Variants in GBE1 observed in about 807,000 individuals in gnomAD.
GBE1 encodes the protein 1,4-alpha-glucan branching enzyme 1.
A neutral mutation model predicts 88.8 loss-of-function variants in GBE1; 70 were observed. The ratio of observed to expected loss-of-function variants is 0.79; its 90% CI spans 0.65 to 0.96. The LOEUF is 0.96. Ranked by LOEUF, GBE1 falls within the 40% of genes least tolerant of loss-of-function variation. GBE1 has a pLI of 0.00. For missense variants in GBE1, 872 were observed against 871.0 expected (o/e 1.00, Z -0.01); for synonymous variants, 284 against 300.1 (o/e 0.95, Z 0.56).
At chr3:81,711,282 G>T (rs1705861805) in intron 1 of GBE1, among the ~76,000 whole-genome samples, 1 of 152,134 alleles carries the variant, frequency 6.6e-6, no homozygotes, top group South Asian at 2.1e-4. Context: ...TTTGTCATTT[G>T]CTTCCTATGG....
At chr3:81,741,264 T>C (rs1172123023) in intron 1 of GBE1, among the ~76,000 whole-genome samples, 1 of 152,152 alleles carries the variant, frequency 6.6e-6, no homozygotes, top group Admixed American at 6.6e-5. Flanking sequence ...TGTATAATAA[T>C]CAGTAAGTTT....
chr3:81,524,334 A>G (rs1429654332), intron 14 of GBE1, among the ~76,000 whole-genome samples: 1 of 151,744 alleles, frequency 6.6e-6, no homozygotes, highest in Non-Finnish European at 1.5e-5. Context: ...TTTTTAAATA[A>G]GATTATTAAA....
chr3:81,604,884 G>A (rs1244057833), intron 7 of GBE1, among the ~76,000 whole-genome samples: 6 of 151,976 alleles, frequency 3.9e-5, no homozygotes, highest in Non-Finnish European at 8.8e-5. Flanking sequence ...TTCATAACAT[G>A]TTTAACACCA....
chr3:81,654,016 A>G (rs1452315195), intron 3 of GBE1, among the ~76,000 whole-genome samples: 1 of 152,178 alleles, frequency 6.6e-6, no homozygotes, highest in African/African-American at 2.4e-5. Flanking sequence ...ATATTAACAC[A>G]TTAAGAAATA....
chr3:81,490,609 A>G, intron 15 of GBE1, 146 bp from the exon 16 acceptor site: 5 of 696,540 alleles, frequency 7.2e-6, no homozygotes, highest in Non-Finnish European at 1.3e-5. Context: ...AGAAGGCTCA[A>G]TTTCACAGTT....
At chr3:81,600,495 A>G (rs1480818925) in intron 7 of GBE1, among the ~76,000 whole-genome samples, 1 of 152,142 alleles carries the variant, frequency 6.6e-6, no homozygotes, top group Non-Finnish European at 1.5e-5. Flanking sequence ...TGCTGGGATT[A>G]TAGGCCTGAG....
intron 6 of GBE1, among the ~76,000 whole-genome samples, chr3:81,644,126 C>G (rs1031674592): frequency 6.6e-6 from 1 of 151,950 alleles, no homozygotes; most frequent in African/African-American, 2.4e-5. Flanking sequence ...TCATCTACCA[C>G]GTACCATGAC....
At position 81,733,290 on chromosome 3, in the gene GBE1, C is replaced by G. The variant is rs747801879; in HGVS notation, c.144-27677G>C. 2.5e-4 allele frequency among the ~76,000 whole-genome samples: 38 copies of G among 151,982 alleles called. No individual in the cohort carries two copies. The highest frequency in any genetic ancestry group is 5.1e-4 in the Non-Finnish European group (35 of 68,018). On this transcript the variant is annotated intron_variant, in intron 1 of 15. Coordinates refer to ENST00000429644, the MANE Select transcript of GBE1 (RefSeq NM_000158.4). The surrounding 1 kb of genome is among the most constrained non-coding windows in gnomAD (Gnocchi z 4.0). ...GTCACTGTCTCCCATCACCCCCAGA[C>G]AGGATCATCTAGTTGCAGGAAAACA...
At chr3:81,656,933 A>G (rs1704946770) in intron 3 of GBE1, among the ~76,000 whole-genome samples, 1 of 152,110 alleles carries the variant, frequency 6.6e-6, no homozygotes, top group African/African-American at 2.4e-5. Flanking sequence ...AGGCAGGTGG[A>G]TCACCTGAGG....
chr3:81,542,095 T>C (rs896094005), intron 12 of GBE1, among the ~76,000 whole-genome samples: 1 of 152,090 alleles, frequency 6.6e-6, no homozygotes, highest in African/African-American at 2.4e-5. Flanking sequence ...TTGATACCTA[T>C]ACATACATTC....
intron 7 of GBE1, among the ~76,000 whole-genome samples, chr3:81,619,439 T>C (rs557676853): frequency 6.6e-6 from 1 of 152,304 alleles, no homozygotes; most frequent in African/African-American, 2.4e-5. Context: ...GGTACAACTA[T>C]AGATTATCAT....
chr3:81,493,229 C>T (rs1702459294), intron 15 of GBE1, among the ~76,000 whole-genome samples: 1 of 152,142 alleles, frequency 6.6e-6, no homozygotes, highest in Non-Finnish European at 1.5e-5. Flanking sequence ...AAACATTTCT[C>T]TTATAGAGTA....
At chr3:81,566,341 G>C (rs1201904485) in intron 12 of GBE1, among the ~76,000 whole-genome samples, 1 of 152,152 alleles carries the variant, frequency 6.6e-6, no homozygotes, top group Non-Finnish European at 1.5e-5. Context: ...CAGTGGTTTT[G>C]AAAGTCCCCA....
chr3:81,510,579 G>A (rs1002723890), intron 14 of GBE1, among the ~76,000 whole-genome samples: 57 of 152,086 alleles, frequency 3.7e-4, no homozygotes, highest in Non-Finnish European at 7.7e-4. Context: ...ATTATTGTGA[G>A]GAGAAAGATT....
chr3:81,660,231 A>G (rs979613196), intron 3 of GBE1, among the ~76,000 whole-genome samples: 6 of 152,156 alleles, frequency 3.9e-5, no homozygotes, highest in Non-Finnish European at 5.9e-5. Flanking sequence ...AATTGGAGTG[A>G]CCTTTGGATA....
intron 12 of GBE1, among the ~76,000 whole-genome samples, chr3:81,547,449 T>C (rs1703220259): frequency 6.6e-6 from 1 of 151,360 alleles, no homozygotes; most frequent in Non-Finnish European, 1.5e-5. Flanking sequence ...ATGGGGAGCT[T>C]TTTCCTCCCT....
intron 1 of GBE1, among the ~76,000 whole-genome samples, chr3:81,737,220 T>C (rs969363428): frequency 1.4e-5 from 2 of 147,370 alleles, no homozygotes; most frequent in Non-Finnish European, 3.0e-5. Context: ...GGTATAGATA[T>C]AAATTTTGAA....
intron 3 of GBE1, among the ~76,000 whole-genome samples, chr3:81,667,708 T>A (rs1443695950): frequency 6.6e-6 from 1 of 152,238 alleles, no homozygotes; most frequent in Non-Finnish European, 1.5e-5. Flanking sequence ...GATCATCATG[T>A]GGTTTTTGTC....
In GBE1 at chr3:81,490,435, A is replaced by T. The variant is rs1209123501; in HGVS notation, c.2081T>A (p.Ile694Asn). The T allele has an allele frequency of 1.1e-5, 18 of 1,613,222 alleles. No homozygotes were observed. Among genetic ancestry groups the T allele is most frequent in the Non-Finnish European group, 1.4e-5 (17 of 1,179,496 alleles). ...LVYIPSRVAL[I>N]LQNVDLPN Reference sequence around the variant, plus strand: ...ATTCGGCAGATCCACATTCTGAAGGATGAGGGCCACTCTGCTTGGAATGTA... The same window carrying T: ...ATTCGGCAGATCCACATTCTGAAGGTTGAGGGCCACTCTGCTTGGAATGTA... Residue 694 changes from isoleucine (I) to asparagine (N), a missense_variant, in exon 16 of 16, where the codon ATC becomes AAC. Transcript: ENST00000429644.
Sources: allele counts gnomAD v4.1 joint callset (sites outside exome capture counted in the v4.1 genomes callset), GRCh38; gene constraint gnomAD v4.1.1; non-coding constraint Gnocchi (gnomAD v3.1); transcripts MANE v1.5; gene names NCBI Gene and HGNC (gene_info 2026-07-23, HGNC 2026-07-21).